EBF2: variants seen among roughly 807,000 people sequenced by gnomAD.
The protein encoded by EBF2 is transcription factor COE2.
A neutral mutation model predicts 72.8 loss-of-function variants in EBF2; 21 were observed. The ratio of observed to expected loss-of-function variants is 0.29; its 90% CI spans 0.20 to 0.42. EBF2 has a LOEUF of 0.42. Ranked by LOEUF, EBF2 falls within the 10% of genes least tolerant of loss-of-function variation. EBF2 has a pLI of 1.00. For synonymous variants in EBF2, 299 were observed against 274.2 expected (o/e 1.09, Z -0.89); for missense variants, 637 against 731.2 (o/e 0.87, Z 1.49).
chr8:25,966,937 C>T (rs1462339953), intron 6 of EBF2, among the ~76,000 whole-genome samples: 1 of 152,204 alleles, frequency 6.6e-6, no homozygotes, highest in Non-Finnish European at 1.5e-5. Flanking sequence ...GAGGGCCTGC[C>T]CAGACACCAT....
chr8:25,885,843 G>A (rs1290085384), intron 10 of EBF2, among the ~76,000 whole-genome samples: 1 of 152,172 alleles, frequency 6.6e-6, no homozygotes, highest in Non-Finnish European at 1.5e-5. Context: ...TCTCGGGTAT[G>A]TCTTTATCAG....
chr8:26,029,504 G>T (rs1805362649), intron 6 of EBF2, among the ~76,000 whole-genome samples: 1 of 152,180 alleles, frequency 6.6e-6, no homozygotes. Context: ...CAAGGAAGAA[G>T]CTTAAGGGGT....
Position 25,844,531 on chromosome 8 carries a change from C to A in EBF2, c.*78G>T, listed in dbSNP as rs973058220. On this transcript the variant is annotated 3_prime_UTR_variant, in exon 16 of 16. Coordinates refer to ENST00000520164, the MANE Select transcript of EBF2 (RefSeq NM_022659.4). ...TCATGTGGGGGCACCACTACACCCC[C>A]AAAAGAGCTCCTAGTGCTTTCTTCA... The A allele has an allele frequency of 2.8e-5, 44 of 1,565,470 alleles. No individual in the cohort carries two copies. In the African/African-American group the frequency reaches 5.3e-4, roughly 19 times the overall value.
At chr8:25,879,791 C>G (rs767511499) in intron 10 of EBF2, among the ~76,000 whole-genome samples, 3 of 152,138 alleles carry the variant, frequency 2.0e-5, no homozygotes, top group Non-Finnish European at 4.4e-5. Flanking sequence ...TAAATCCTGT[C>G]TAGAGTATCC....
intron 6 of EBF2, among the ~76,000 whole-genome samples, chr8:25,955,995 C>T (rs1803937511): frequency 6.6e-6 from 1 of 152,154 alleles, no homozygotes; most frequent in Admixed American, 6.5e-5. Context: ...AGCAAGACCC[C>T]ATCTTTATTT....
At chr8:26,008,840 C>CAAAAAA (rs61069458) in intron 6 of EBF2, among the ~76,000 whole-genome samples, 48 of 114,568 alleles carry the variant, frequency 4.2e-4, no homozygotes, top group South Asian at 9.4e-4. Flanking sequence ...ATCAACCTCT[C>CAAAAAA]AAAAAAAAAA....
intron 15 of EBF2, among the ~76,000 whole-genome samples, chr8:25,846,916 A>G (rs1237708729): frequency 6.6e-6 from 1 of 152,154 alleles, no homozygotes; most frequent in African/African-American, 2.4e-5. Flanking sequence ...AACAGACAGA[A>G]AGTAATAATC....
chr8:25,943,911 C>G (rs528899431), intron 6 of EBF2, among the ~76,000 whole-genome samples: 1 of 152,298 alleles, frequency 6.6e-6, no homozygotes, highest in South Asian at 2.1e-4. Flanking sequence ...TAGCTTGAGG[C>G]CTCACAAATG....
At chr8:25,881,447 A>G (rs1252281287) in intron 10 of EBF2, among the ~76,000 whole-genome samples, 2 of 152,234 alleles carry the variant, frequency 1.3e-5, no homozygotes, top group Non-Finnish European at 2.9e-5. Context: ...ATATGTTCCC[A>G]GCATCCTAAA....
At chr8:25,996,153 T>C (rs781418875) in intron 6 of EBF2, among the ~76,000 whole-genome samples, 1 of 151,868 alleles carries the variant, frequency 6.6e-6, no homozygotes. Flanking sequence ...AGTAAAACAA[T>C]TGGCCAGGCA....
intron 6 of EBF2, among the ~76,000 whole-genome samples, chr8:25,941,973 T>A (rs1017618547): frequency 9.9e-5 from 15 of 152,174 alleles, no homozygotes; most frequent in African/African-American, 3.6e-4. Flanking sequence ...AACAATTACT[T>A]GAGTATCTAT....
intron 3 of EBF2, 70 bp from the exon 4 acceptor site, chr8:26,040,741 C>T: frequency 6.5e-7 from 1 of 1,527,780 alleles, no homozygotes; most frequent in African/African-American, 1.4e-5. Flanking sequence ...CCCTTCTCTG[C>T]CATGGGTCTG....
In EBF2 at chr8:25,876,679, G is replaced by A. The variant is rs1467237262; in HGVS notation, c.1009+10076C>T. ...ACAGATGGCCTTGGTATCGTGTTTT[G>A]TAATAAACTGTACAGTACTGGGAAG... is the stretch of plus-strand genomic sequence containing the variant. On this transcript the variant is annotated intron_variant, in intron 10 of 15. Transcript: ENST00000520164. 2.6e-5 allele frequency among the ~76,000 whole-genome samples: 4 copies of A among 152,182 alleles called. No individual in the cohort carries two copies. In the East Asian group the frequency reaches 5.8e-4, roughly 22 times the overall value.
chr8:25,871,478 A>G (rs768741897), intron 10 of EBF2, among the ~76,000 whole-genome samples: 13 of 152,246 alleles, frequency 8.5e-5, no homozygotes, highest in Non-Finnish European at 1.5e-4. Context: ...CTTTAGTAAT[A>G]TAACATTAAG....
intron 6 of EBF2, among the ~76,000 whole-genome samples, chr8:26,010,743 T>C (rs1804965369): frequency 6.6e-6 from 1 of 152,216 alleles, no homozygotes; most frequent in South Asian, 2.1e-4. Flanking sequence ...TGGAATGCCT[T>C]CTTCCCTCGA....
At chr8:25,943,284 T>C (rs1344617839) in intron 6 of EBF2, among the ~76,000 whole-genome samples, 1 of 76,334 alleles carries the variant, frequency 1.3e-5, no homozygotes, top group Middle Eastern at 0.015. Context: ...CTGGGCAACA[T>C]AGCAAGACAT....
chr8:25,987,112 A>T (rs1288552419), intron 6 of EBF2, among the ~76,000 whole-genome samples: 1 of 152,260 alleles, frequency 6.6e-6, no homozygotes, highest in African/African-American at 2.4e-5. Flanking sequence ...AAGGCTAAAG[A>T]AGCAGAGGTG....
At chr8:25,852,175 A>C (rs1441871395) in intron 14 of EBF2, among the ~76,000 whole-genome samples, 3 of 152,210 alleles carry the variant, frequency 2.0e-5, no homozygotes, top group Non-Finnish European at 4.4e-5. Flanking sequence ...GTAATACTTG[A>C]ATATGTAAAT....
intron 9 of EBF2, among the ~76,000 whole-genome samples, chr8:25,887,562 T>G (rs1802712013): frequency 6.6e-6 from 1 of 152,204 alleles, no homozygotes; most frequent in East Asian, 1.9e-4. Flanking sequence ...TTTTTTCTGC[T>G]TAGTATTACA....
Sources: gnomAD v4.1 joint callset for allele counts (sites outside exome capture counted in the v4.1 genomes callset) on GRCh38, gnomAD v4.1.1 for gene constraint, MANE v1.5 for transcripts, NCBI Gene and HGNC (gene_info 2026-07-23, HGNC 2026-07-21) for gene names.